ADAMTSL3: variants seen among roughly 807,000 people sequenced by gnomAD.
ADAMTSL3 encodes the protein ADAMTS like 3.
A neutral mutation model predicts 201.7 loss-of-function variants in ADAMTSL3; 128 were observed. The ratio of observed to expected loss-of-function variants is 0.63; its 90% confidence interval spans 0.55 to 0.73. The LOEUF (loss-of-function observed/expected upper bound fraction) is 0.73, where lower values mean the gene tolerates loss of function less well. ADAMTSL3 is among the 30% of genes least tolerant of loss of function. ADAMTSL3 has a pLI of 0.00. For missense variants in ADAMTSL3, 1,990 were observed against 2,119.6 expected, an observed-to-expected ratio of 0.94 and a Z score of 1.20; for synonymous variants, 738 against 748.4, an observed-to-expected ratio of 0.99 and a Z score of 0.23.
At chr15:83,882,026 G>T in intron 9 of ADAMTSL3, among the ~76,000 whole-genome samples, 1 of 151,544 alleles carries the variant, frequency 6.6e-6, no homozygotes, top group Non-Finnish European at 1.5e-5. Context: ...CATGGTGGCG[G>T]GCACCTGTAG....
At chr15:83,892,659 A>G (rs1422458234) in intron 12 of ADAMTSL3, 25 bp from the exon 13 acceptor site, 12 of 1,574,668 alleles carry the variant, frequency 7.6e-6, no homozygotes, top group Non-Finnish European at 6.9e-6. Flanking sequence ...AATAAATAAT[A>G]TAATTTTATT....
chr15:83,957,989 A>C (rs56373916), intron 19 of ADAMTSL3, among the ~76,000 whole-genome samples: 43,962 of 152,068 alleles, frequency 0.29, 6,720 homozygotes, highest in African/African-American at 0.36. Flanking sequence ...AACAAAAAGC[A>C]GAGCAATTAG....
At chr15:83,943,361 A>C (rs549995210) in intron 19 of ADAMTSL3, among the ~76,000 whole-genome samples, 6 of 152,324 alleles carry the variant, frequency 3.9e-5, no homozygotes, top group African/African-American at 1.4e-4. Context: ...TACCAGGATC[A>C]TAGTATCCCA....
At chr15:84,015,158 A>C (rs1216714687) in intron 24 of ADAMTSL3, among the ~76,000 whole-genome samples, 10 of 152,146 alleles carry the variant, frequency 6.6e-5, no homozygotes, top group Admixed American at 2.6e-4. Flanking sequence ...GTTGGCCAGG[A>C]TGGTCTCAAT....
intron 20 of ADAMTSL3, among the ~76,000 whole-genome samples, chr15:83,976,650 C>A (rs541426813): frequency 2.0e-5 from 3 of 151,812 alleles, no homozygotes; most frequent in Non-Finnish European, 4.4e-5. Context: ...CAACCTAGAT[C>A]CCTCACGTGC....
rs769455663 is a variant in ADAMTSL3, at chr15:84,016,399, G to T, written c.4173G>T (p.Glu1391Asp). The change falls in exon 25 of 30, where the codon GAG (glutamate) becomes GAT (aspartate). Residue 1391 changes from glutamate (E) to aspartate (D), a missense_variant. Glu to Asp is a conservative substitution (Grantham distance 45). Coordinates refer to ENST00000286744, the MANE Select transcript of ADAMTSL3 (RefSeq NM_207517.3). ...VLHLLERRWP[E>D]SRIVFLQGHK... ...TTTCCTCAGAACGAAGATGGCCAGA[G>T]AGTAGAATCGTATTTCTGCAAGGAC... is the stretch of plus-strand genomic sequence containing the variant. 2 of 1,613,634 alleles carry T rather than the reference G, an allele frequency of 1.2e-6. No homozygotes were observed. The highest frequency in any genetic ancestry group is 1.7e-6 in the Non-Finnish European group (2 of 1,179,848).
intron 8 of ADAMTSL3, among the ~76,000 whole-genome samples, chr15:83,863,123 G>C (rs1271026200): frequency 6.6e-6 from 1 of 152,184 alleles, no homozygotes; most frequent in African/African-American, 2.4e-5. Flanking sequence ...CATAAAGCAA[G>C]TCCTTAGAGA....
chr15:83,699,270 C>G (rs2061733025), intron 2 of ADAMTSL3, among the ~76,000 whole-genome samples: 1 of 151,660 alleles, frequency 6.6e-6, no homozygotes, highest in Non-Finnish European at 1.5e-5. Flanking sequence ...TAACATGACT[C>G]AAACAGAACT....
At chr15:83,812,467 C>T (rs1376126653) in intron 5 of ADAMTSL3, among the ~76,000 whole-genome samples, 3 of 152,212 alleles carry the variant, frequency 2.0e-5, no homozygotes, top group Non-Finnish European at 4.4e-5. Context: ...CTGATTCAAA[C>T]ATGCCTACAC....
intron 8 of ADAMTSL3, among the ~76,000 whole-genome samples, chr15:83,870,028 A>G (rs2065052943): frequency 1.3e-5 from 2 of 152,236 alleles, no homozygotes; most frequent in Admixed American, 1.3e-4. Flanking sequence ...GAGGAAAGAC[A>G]GAAATTTAAA....
chr15:84,017,169 G>C (rs1446747867), intron 25 of ADAMTSL3, among the ~76,000 whole-genome samples: 2 of 152,110 alleles, frequency 1.3e-5, no homozygotes, highest in Non-Finnish European at 2.9e-5. Context: ...CCAGGCTGGA[G>C]TGCAGTGGCG....
intron 2 of ADAMTSL3, among the ~76,000 whole-genome samples, chr15:83,698,586 C>T (rs898815912): frequency 7.9e-5 from 12 of 151,646 alleles, no homozygotes; most frequent in African/African-American, 2.9e-4. Context: ...TACTTAAGGG[C>T]CCTGACCCCT....
At chr15:83,784,186 T>C (rs1001787652) in intron 4 of ADAMTSL3, among the ~76,000 whole-genome samples, 1 of 152,204 alleles carries the variant, frequency 6.6e-6, no homozygotes, top group African/African-American at 2.4e-5. Flanking sequence ...CTGTCCCACG[T>C]AGGCACTGAG....
chr15:83,963,171 C>T (rs1047775376), intron 19 of ADAMTSL3, among the ~76,000 whole-genome samples: 4 of 152,150 alleles, frequency 2.6e-5, no homozygotes, highest in Non-Finnish European at 4.4e-5. Context: ...GAGACAGAAC[C>T]GTTCACTTCC....
At chr15:83,954,742 TG>T (rs1472008489) in intron 19 of ADAMTSL3, among the ~76,000 whole-genome samples, 1 of 152,208 alleles carries the variant, frequency 6.6e-6, no homozygotes, top group Non-Finnish European at 1.5e-5. Flanking sequence ...ATCACTTTGG[TG>T]GTCTTGGATA....
intron 9 of ADAMTSL3, among the ~76,000 whole-genome samples, chr15:83,881,048 T>TA (rs1250236179): frequency 6.6e-6 from 1 of 152,246 alleles, no homozygotes; most frequent in Non-Finnish European, 1.5e-5. Flanking sequence ...GATACTCTGT[T>TA]AAAATCCCCT....
At chr15:83,669,449 T>G (rs2061294130) in intron 2 of ADAMTSL3, among the ~76,000 whole-genome samples, 6 of 123,398 alleles carry the variant, frequency 4.9e-5, no homozygotes, top group Admixed American at 1.9e-4. Flanking sequence ...TGGCCGGGAG[T>G]GAGGTTTTTT....
intron 6 of ADAMTSL3, among the ~76,000 whole-genome samples, chr15:83,823,960 TCTTCTTCTTCTTCTCCTC>T (rs1160756342): frequency 2.5e-4 from 16 of 64,350 alleles, no homozygotes; most frequent in East Asian, 2.4e-3. Flanking sequence ...TTCTTCTTCT[TCTTCTTCTTCTTCTCCTC>T]CTCCTCCTCC....
chr15:83,926,283 G>A (rs1385488841), intron 17 of ADAMTSL3, among the ~76,000 whole-genome samples: 1 of 152,198 alleles, frequency 6.6e-6, no homozygotes, highest in Non-Finnish European at 1.5e-5. Flanking sequence ...GGAGAGAAAG[G>A]AAATCAGTGT....
Sources: gnomAD v4.1 joint callset for allele counts (sites outside exome capture counted in the v4.1 genomes callset) on GRCh38, gnomAD v4.1.1 for gene constraint, MANE v1.5 for transcripts, NCBI Gene and HGNC (gene_info 2026-07-23, HGNC 2026-07-21) for gene names.